Variants in COL19A1 observed in about 807,000 individuals in gnomAD.
COL19A1 encodes collagen type XIX alpha 1 chain, also known as collagen alpha-1(XIX) chain.
Under a neutral mutation model 190.2 loss-of-function variants are expected in COL19A1, and 159 were observed. The observed-to-expected ratio is 0.84, with a 90% CI of 0.73 to 0.95. COL19A1 has a LOEUF of 0.95. Ranked by LOEUF, COL19A1 falls within the 40% of genes least tolerant of loss-of-function variation. The pLI is 0.00. For missense variants in COL19A1, 1,418 were observed against 1,431.9 expected (o/e 0.99, Z 0.16); for synonymous variants, 509 against 458.9 (o/e 1.11, Z -1.39).
At position 70,113,123 on chromosome 6, in the gene COL19A1, C is replaced by T. The variant is rs148491988; in HGVS notation, c.1279-8757C>T. 2.0e-4 allele frequency among the ~76,000 whole-genome samples: 30 copies of T among 152,182 alleles called. No individual in the cohort carries two copies. In the East Asian group the frequency reaches 5.8e-3, roughly 29 times the overall value. On this transcript the variant is annotated intron_variant, in intron 16 of 50. Transcript: ENST00000620364. ...GCTATAGATCTTTCAAGGTATGGTG[C>T]CAGTATATGCCAAGGTGGGGGAAAA...
chr6:70,061,508 G>C (rs1780826598), intron 14 of COL19A1, among the ~76,000 whole-genome samples: 1 of 152,030 alleles, frequency 6.6e-6, no homozygotes, highest in African/African-American at 2.4e-5. Context: ...CTTAGTACTT[G>C]AGTCTCGCAT....
intron 37 of COL19A1, among the ~76,000 whole-genome samples, chr6:70,166,260 G>A (rs1765147841): frequency 6.6e-6 from 1 of 152,112 alleles, no homozygotes; most frequent in African/African-American, 2.4e-5. Flanking sequence ...TTCCTGGCTC[G>A]GGGCCCCTGG....
At chr6:70,066,694 C>T (rs1781237069) in intron 14 of COL19A1, among the ~76,000 whole-genome samples, 1 of 151,798 alleles carries the variant, frequency 6.6e-6, no homozygotes, top group Admixed American at 6.6e-5. Flanking sequence ...ATAAGTACAT[C>T]TGGCCTTTTA....
At chr6:70,047,319 A>G (rs545920547) in intron 14 of COL19A1, among the ~76,000 whole-genome samples, 12 of 152,264 alleles carry the variant, frequency 7.9e-5, no homozygotes, top group African/African-American at 2.9e-4. Flanking sequence ...TTTACAAGGC[A>G]GATATACGTG....
intron 9 of COL19A1, among the ~76,000 whole-genome samples, chr6:69,954,904 C>T (rs1287475587): frequency 6.6e-6 from 1 of 152,012 alleles, no homozygotes; most frequent in Non-Finnish European, 1.5e-5. Context: ...GAGGAATACT[C>T]CAGGCAGGAA....
chr6:69,892,016 G>C (rs1462797097), intron 2 of COL19A1, among the ~76,000 whole-genome samples: 1 of 152,156 alleles, frequency 6.6e-6, no homozygotes, highest in East Asian at 1.9e-4. Flanking sequence ...TAAAACTGTG[G>C]AACTGAGTCC....
At chr6:69,884,832 T>C (rs973916752) in intron 2 of COL19A1, among the ~76,000 whole-genome samples, 8 of 151,674 alleles carry the variant, frequency 5.3e-5, no homozygotes, top group African/African-American at 1.9e-4. Flanking sequence ...CCAAATATGA[T>C]CTAGCTGCCT....
chr6:70,090,382 A>G (rs79699180), intron 15 of COL19A1, among the ~76,000 whole-genome samples: 8,334 of 152,228 alleles, frequency 0.055, 272 homozygotes, highest in Non-Finnish European at 0.075. Flanking sequence ...AACTATTTAC[A>G]TGGCATTTTC....
At chr6:70,082,855 G>A (rs570303924) in intron 15 of COL19A1, among the ~76,000 whole-genome samples, 1 of 152,288 alleles carries the variant, frequency 6.6e-6, no homozygotes, top group East Asian at 1.9e-4. Flanking sequence ...TCAATCATCA[G>A]GTCTAGTTTG....
At chr6:70,158,623 G>T (rs190320570) in intron 34 of COL19A1, among the ~76,000 whole-genome samples, 22 of 152,210 alleles carry the variant, frequency 1.4e-4, no homozygotes, top group Non-Finnish European at 1.6e-4. Context: ...CTTTGATGGA[G>T]TGATTTCTTG....
At chr6:70,039,179 G>A (rs950310760) in intron 14 of COL19A1, among the ~76,000 whole-genome samples, 1 of 152,162 alleles carries the variant, frequency 6.6e-6, no homozygotes, top group Non-Finnish European at 1.5e-5. Flanking sequence ...TCCAGGGAGG[G>A]ACTCAGGCAA....
intron 49 of COL19A1, among the ~76,000 whole-genome samples, chr6:70,204,313 G>A (rs1460410427): frequency 6.6e-6 from 1 of 152,166 alleles, no homozygotes; most frequent in African/African-American, 2.4e-5. Flanking sequence ...ATTCCTACAA[G>A]GAGTTTTGTT....
chr6:69,941,448 T>C (rs1050224387), intron 9 of COL19A1, among the ~76,000 whole-genome samples: 6 of 152,186 alleles, frequency 3.9e-5, no homozygotes, highest in South Asian at 4.1e-4. Flanking sequence ...TTAATTTCAT[T>C]TGTGGCTTGA....
intron 49 of COL19A1, among the ~76,000 whole-genome samples, chr6:70,203,504 T>C (rs1262369595): frequency 1.3e-5 from 2 of 152,134 alleles, no homozygotes; most frequent in Admixed American, 6.6e-5. Flanking sequence ...CTGCTATCAA[T>C]TGGTGGAGTA....
intron 11 of COL19A1, among the ~76,000 whole-genome samples, chr6:70,002,357 T>C (rs1777316191): frequency 2.0e-5 from 3 of 152,138 alleles, no homozygotes; most frequent in Non-Finnish European, 4.4e-5. Context: ...TGCCCAGTTT[T>C]GGTATCAGGA....
intron 11 of COL19A1, among the ~76,000 whole-genome samples, chr6:69,966,976 G>A (rs1775150333): frequency 6.6e-6 from 1 of 152,136 alleles, no homozygotes; most frequent in Non-Finnish European, 1.5e-5. Context: ...ATATTTTTAA[G>A]TAATTGCTTC....
At chr6:69,897,487 A>ACACACACCCC (rs57788189) in intron 2 of COL19A1, among the ~76,000 whole-genome samples, 54 of 142,626 alleles carry the variant, frequency 3.8e-4, no homozygotes, top group African/African-American at 1.6e-3. Flanking sequence ...ACACACACAC[A>ACACACACCCC]CCCCATACTG....
intron 4 of COL19A1, among the ~76,000 whole-genome samples, chr6:69,914,798 C>T (rs1416820998): frequency 6.6e-6 from 1 of 152,184 alleles, no homozygotes; most frequent in East Asian, 1.9e-4. Flanking sequence ...TTTTTAAACA[C>T]TTTGCTATGT....
At chr6:69,957,937 G>A (rs982107189) in intron 9 of COL19A1, among the ~76,000 whole-genome samples, 3 of 152,120 alleles carry the variant, frequency 2.0e-5, no homozygotes, top group African/African-American at 4.8e-5. Flanking sequence ...CTGAGTTATC[G>A]TTGAGTCTAG....
Sources: gnomAD v4.1 joint callset for allele counts (sites outside exome capture counted in the v4.1 genomes callset) on GRCh38, gnomAD v4.1.1 for gene constraint, MANE v1.5 for transcripts, NCBI Gene and HGNC (gene_info 2026-07-23, HGNC 2026-07-21) for gene names.